The following GAN variants were observed in gnomAD, a reference collection of about 807,000 sequenced individuals.
The protein encoded by GAN is gigaxonin.
Under a neutral mutation model 71.3 loss-of-function variants are expected in GAN, and 48 were observed. The ratio of observed to expected loss-of-function variants is 0.67; its 90% CI spans 0.53 to 0.86. GAN has a LOEUF of 0.86. GAN is among the 40% of genes least tolerant of loss of function. The pLI is 0.00. For synonymous variants in GAN, 386 were observed against 276.8 expected (o/e 1.39, Z -3.92); for missense variants, 928 against 770.1 (o/e 1.21, Z -2.43).
At chr16:81,317,294 C>G (rs988550334) in intron 1 of GAN, among the ~76,000 whole-genome samples, 13 of 152,240 alleles carry the variant, frequency 8.5e-5, no homozygotes, top group African/African-American at 3.1e-4. Context: ...ATCACATTTT[C>G]ATAGTACACA....
chr16:81,370,896 T>A (rs535904971), intron 9 of GAN, among the ~76,000 whole-genome samples: 1 of 152,272 alleles, frequency 6.6e-6, no homozygotes, highest in Non-Finnish European at 1.5e-5. Context: ...AGATTACTTA[T>A]GGTAGATCTT....
At chr16:81,359,910 C>T (rs1456584115) in intron 5 of GAN, among the ~76,000 whole-genome samples, 3 of 152,204 alleles carry the variant, frequency 2.0e-5, no homozygotes, top group Non-Finnish European at 2.9e-5. Flanking sequence ...ACTGAACTCA[C>T]CTATTTTCGG....
chr16:81,357,710 T>A (rs1382094351), intron 4 of GAN, 100 bp from the exon 5 acceptor site: 2 of 1,154,724 alleles, frequency 1.7e-6, no homozygotes, highest in African/African-American at 3.0e-5. Context: ...TTTTAAAAAA[T>A]GTTTTAAATA....
At chr16:81,356,669 T>C (rs1910495349) in intron 3 of GAN, 116 bp from the exon 4 acceptor site, 1 of 800,400 alleles carries the variant, frequency 1.2e-6, no homozygotes, top group Non-Finnish European at 2.3e-6. Context: ...CTCACTTGCC[T>C]GGTAATAACC....
In GAN at chr16:81,315,493, C is replaced by T. The variant is rs529106795; in HGVS notation, c.167+213C>T. Among the ~76,000 whole-genome samples, 5 of 152,044 alleles carry T rather than the reference C, an allele frequency of 3.3e-5. No individual in the cohort carries two copies. The East Asian group carries it at 9.7e-4, about 29-fold the overall frequency. ...GGCCTCTGTGGCTTCCAGGCCCGCG[C>T]TCCCCACTGGACCCCCGCGCCCCTT... On this transcript the variant is annotated intron_variant, in intron 1 of 10. Transcript: ENST00000648994.
chr16:81,377,240 GAATTTATGC>G lies in GAN; in HGVS notation c.1526_1534del (p.Asn509_Cys511del). Reference sequence around the variant, plus strand: ...TCAGGTGGATCTATCTTAACGACCAGAATTTATGCATCCCCGCCAGTTCCTCTTTTGTTT... The same window carrying G: ...TCAGGTGGATCTATCTTAACGACCAGATCCCCGCCAGTTCCTCTTTTGTTT... On this transcript the variant is annotated inframe_deletion, in exon 10 of 11. Transcript: ENST00000648994. The G allele has an allele frequency of 1.9e-6, 3 of 1,609,564 alleles. No individual in the cohort carries two copies. Among genetic ancestry groups the G allele is most frequent in the Non-Finnish European group, 2.6e-6 (3 of 1,175,924 alleles).
At chr16:81,376,511 ATGTG>A (rs1312516345) in intron 9 of GAN, among the ~76,000 whole-genome samples, 9 of 71,944 alleles carry the variant, frequency 1.3e-4, no homozygotes, top group African/African-American at 4.5e-4. Context: ...GTGTGTGTGT[ATGTG>A]TGTGTGTATA....
At chr16:81,330,330 T>C (rs1909534184) in intron 1 of GAN, among the ~76,000 whole-genome samples, 2 of 152,216 alleles carry the variant, frequency 1.3e-5, no homozygotes, top group Non-Finnish European at 2.9e-5. Context: ...ACCAAGAGGC[T>C]GGAGCATTTT....
At chr16:81,359,865 A>T (rs1910614161) in intron 5 of GAN, among the ~76,000 whole-genome samples, 1 of 152,264 alleles carries the variant, frequency 6.6e-6, no homozygotes, top group East Asian at 1.9e-4. Flanking sequence ...TGTAATAGTT[A>T]TGTGAATGTG....
intron 1 of GAN, among the ~76,000 whole-genome samples, chr16:81,324,279 C>T (rs542144281): frequency 2.6e-5 from 4 of 152,264 alleles, no homozygotes; most frequent in Non-Finnish European, 5.9e-5. Flanking sequence ...TGGGGGCTAC[C>T]TGGGGAGGTG....
At chr16:81,360,492 G>C (rs1910638359) in intron 5 of GAN, among the ~76,000 whole-genome samples, 1 of 151,382 alleles carries the variant, frequency 6.6e-6, no homozygotes, top group African/African-American at 2.4e-5. Flanking sequence ...TTGTCTCACT[G>C]TGCTGTTTTC....
chr16:81,323,926 A>G (rs761540789), intron 1 of GAN, among the ~76,000 whole-genome samples: 1 of 152,142 alleles, frequency 6.6e-6, no homozygotes, highest in African/African-American at 2.4e-5. Context: ...TTATTTTTCT[A>G]TCTCTGTGGG....
chr16:81,354,188 G>A (rs575521241), intron 2 of GAN, among the ~76,000 whole-genome samples: 39 of 151,786 alleles, frequency 2.6e-4, no homozygotes, highest in Middle Eastern at 6.8e-3. Flanking sequence ...GGGCAGAGCT[G>A]GGAAAAGTTA....
intron 1 of GAN, among the ~76,000 whole-genome samples, chr16:81,336,098 A>T (rs531607865): frequency 1.5e-4 from 23 of 152,082 alleles, no homozygotes; most frequent in African/African-American, 5.6e-4. Flanking sequence ...CGACAGGACA[A>T]ATCCTGTAGG....
intron 3 of GAN, among the ~76,000 whole-genome samples, chr16:81,355,388 G>A (rs980268293): frequency 6.6e-6 from 1 of 152,178 alleles, no homozygotes; most frequent in African/African-American, 2.4e-5. Context: ...GAGAGTCTCA[G>A]TCTGTCTCCC....
intron 3 of GAN, among the ~76,000 whole-genome samples, chr16:81,356,550 G>A (rs147032334): frequency 9.2e-4 from 140 of 152,246 alleles, no homozygotes; most frequent in Admixed American, 3.7e-3. Flanking sequence ...CTTTTACAGT[G>A]ATACCTCAAA....
chr16:81,337,243 G>A (rs369442783), intron 1 of GAN, among the ~76,000 whole-genome samples: 2 of 152,188 alleles, frequency 1.3e-5, no homozygotes, highest in East Asian at 3.9e-4. Context: ...ATATCTCAGG[G>A]TCCGTTCCTG....
At position 81,388,764 on chromosome 16, in the gene GAN, C is replaced by T; in HGVS notation, c.*11168C>T. On this transcript the variant is annotated 3_prime_UTR_variant, in exon 11 of 11. Transcript: ENST00000648994. ...TCGCATTCGCCAGAGCGGAGCGCAGCCCTTGTTTCCTTCTTTCCTCTTCAG... is the reference window on the plus strand; with the variant it reads ...TCGCATTCGCCAGAGCGGAGCGCAGTCCTTGTTTCCTTCTTTCCTCTTCAG... The T allele has an allele frequency of 6.6e-6, 1 of 152,310 alleles. No homozygotes were observed. The allele number at this position is 152,310 out of a possible 1,614,324, so 9.4% of individuals were successfully genotyped here.
intron 9 of GAN, among the ~76,000 whole-genome samples, chr16:81,376,643 T>TATATGTATATATACATAC (rs761731650): frequency 1.0e-3 from 17 of 16,394 alleles, no homozygotes; most frequent in East Asian, 8.4e-3. Context: ...TATATGTGTG[T>TATATGTATATATACATAC]ATATATGTGT....
Sources: allele counts gnomAD v4.1 joint callset (sites outside exome capture counted in the v4.1 genomes callset), GRCh38; gene constraint gnomAD v4.1.1; transcripts MANE v1.5; gene names NCBI Gene and HGNC (gene_info 2026-07-23, HGNC 2026-07-21).